The following BIRC6 variants were observed in gnomAD, a reference collection of about 807,000 sequenced individuals.
BIRC6 encodes baculoviral IAP repeat containing 6.
In BIRC6, 98 loss-of-function variants were observed where a neutral mutation model predicts 503.3. That is an observed-to-expected ratio of 0.19 (90% CI 0.17 to 0.23). The LOEUF (loss-of-function observed/expected upper bound fraction) is 0.23, where lower values mean the gene tolerates loss of function less well. Ranked by LOEUF, BIRC6 falls within the 10% of genes least tolerant of loss-of-function variation. The probability of loss-of-function intolerance (pLI) is 1.00; values close to 1 mark genes in which losing one functional copy is unlikely to be tolerated. For missense variants in BIRC6, 5,360 were observed against 5,806.0 expected (o/e 0.92, Z 2.50); for synonymous variants, 2,240 against 2,078.7 (o/e 1.08, Z -2.11).
intron 66 of BIRC6, among the ~76,000 whole-genome samples, chr2:32,587,311 C>T (rs971092758): frequency 2.6e-5 from 4 of 151,832 alleles, no homozygotes; most frequent in Admixed American, 1.3e-4. Flanking sequence ...CATTTGAACC[C>T]GGGAGGTGGA....
chr2:32,407,117 T>C (rs922905376), intron 9 of BIRC6, among the ~76,000 whole-genome samples: 2 of 152,128 alleles, frequency 1.3e-5, no homozygotes, highest in Admixed American at 6.5e-5. Context: ...TTTCCTGATA[T>C]ATAGCATGGT....
intron 9 of BIRC6, among the ~76,000 whole-genome samples, chr2:32,410,498 G>C (rs563615381): frequency 6.6e-6 from 1 of 152,228 alleles, no homozygotes; most frequent in South Asian, 2.1e-4. Flanking sequence ...TTCTGCTGTA[G>C]CTAGAAAATA....
At chr2:32,398,577 T>G (rs2040243301) in intron 6 of BIRC6, among the ~76,000 whole-genome samples, 1 of 152,180 alleles carries the variant, frequency 6.6e-6, no homozygotes, top group South Asian at 2.1e-4. Flanking sequence ...CATCATGTAT[T>G]TTCTATATGT....
At chr2:32,496,053 G>C (rs537408492) in intron 45 of BIRC6, among the ~76,000 whole-genome samples, 1 of 152,134 alleles carries the variant, frequency 6.6e-6, no homozygotes, top group East Asian at 1.9e-4. Context: ...GTGTTAGCCA[G>C]GATGGTCTTG....
chr2:32,602,190 C>T (rs567665108), intron 70 of BIRC6, among the ~76,000 whole-genome samples: 2 of 152,234 alleles, frequency 1.3e-5, no homozygotes, highest in South Asian at 2.1e-4. Flanking sequence ...ATCAACTTAG[C>T]GGCCATCAAC....
rs189601474 is a variant in BIRC6 at position 32,484,317 on chromosome 2, C to T, written c.7697-1326C>T. The stretch of plus-strand genomic sequence containing the variant: ...CCTGTAATCCCAGCACTTGGGAGGC[C>T]GAGGCAGGTGGATCACCTGAGGTCA... On this transcript the variant is annotated intron_variant, in intron 39 of 73. Coordinates refer to ENST00000421745, the MANE Select transcript of BIRC6 (RefSeq NM_016252.4). Among the ~76,000 whole-genome samples the T allele has an allele frequency of 5.5e-4, 84 of 152,100 alleles. No individual in the cohort carries two copies. The East Asian group carries it at 0.014, about 26-fold the overall frequency.
chr2:32,370,586 A>G (rs1457984009), intron 1 of BIRC6, among the ~76,000 whole-genome samples: 1 of 152,166 alleles, frequency 6.6e-6, no homozygotes, highest in Non-Finnish European at 1.5e-5. Context: ...TTGGCTTTTA[A>G]TACTATAGTG....
intron 12 of BIRC6, among the ~76,000 whole-genome samples, chr2:32,432,956 A>G (rs2044304286): frequency 6.6e-6 from 1 of 152,132 alleles, no homozygotes; most frequent in Non-Finnish European, 1.5e-5. Context: ...AGGAATGCTG[A>G]TGGTAGCTTG....
intron 73 of BIRC6, among the ~76,000 whole-genome samples, chr2:32,615,903 G>T (rs901214923): frequency 6.6e-6 from 1 of 152,130 alleles, no homozygotes; most frequent in African/African-American, 2.4e-5. Flanking sequence ...AAAGTGCTGG[G>T]ATTACAGGCG....
At chr2:32,564,435 CA>C (rs1056889428) in intron 65 of BIRC6, 2 of 152,116 alleles carry the variant, frequency 1.3e-5, no homozygotes, top group African/African-American at 2.4e-5. Context: ...CATTAGCATA[CA>C]AATATCTATT....
chr2:32,471,221 A>G, intron 32 of BIRC6, 97 bp downstream of exon 32: 6 of 1,469,634 alleles, frequency 4.1e-6, no homozygotes, highest in East Asian at 2.6e-5. Context: ...AGAACTGGCT[A>G]TTGGCCTGGA....
Position 32,545,860 on chromosome 2 carries a change from G to A in BIRC6, c.12810G>A (p.Glu4270=). ...CAAACTCTAGCGTGAATCAAACTGA[G>A]GTAGGTTCACTTTTAATTATTTCAG... The part of the protein sequence containing the change: ...RVPNSSVNQT[E]PQVSSSHNPT... The change falls in exon 63 of 74, where the codon GAG becomes GAA. Residue 4270 remains glutamate (E), a splice_region_variant and synonymous_variant. Transcript: ENST00000421745. 2 of 1,609,772 alleles carry A rather than the reference G, an allele frequency of 1.2e-6. No homozygotes were observed. The highest frequency in any genetic ancestry group is 2.2e-5 in the South Asian group (2 of 90,956).
intron 69 of BIRC6, among the ~76,000 whole-genome samples, chr2:32,599,509 G>A (rs2061907050): frequency 6.6e-6 from 1 of 150,444 alleles, no homozygotes; most frequent in African/African-American, 2.5e-5. Flanking sequence ...ATGTTGGCAG[G>A]CACGTGTGTT....
chr2:32,586,393 G>A (rs1438073975), intron 66 of BIRC6, among the ~76,000 whole-genome samples: 1 of 124,244 alleles, frequency 8.0e-6, no homozygotes, highest in Middle Eastern at 5.2e-3. Context: ...AGTTTTCACT[G>A]TATTATCTCA....
intron 1 of BIRC6, among the ~76,000 whole-genome samples, chr2:32,372,868 GTT>G: frequency 6.6e-6 from 1 of 152,146 alleles, no homozygotes; most frequent in East Asian, 1.9e-4. Context: ...ACATTTGGGT[GTT>G]TTCAATGTTT....
At chr2:32,500,611 T>TG (rs200338983) in intron 46 of BIRC6, among the ~76,000 whole-genome samples, 46 of 145,750 alleles carry the variant, frequency 3.2e-4, no homozygotes, top group East Asian at 1.2e-3. Context: ...TTTTTGTTTT[T>TG]TTTTTTTTTT....
intron 43 of BIRC6, among the ~76,000 whole-genome samples, chr2:32,490,872 T>C (rs2051620283): frequency 1.3e-5 from 2 of 152,220 alleles, no homozygotes; most frequent in South Asian, 4.1e-4. Flanking sequence ...AATGCTATTA[T>C]CTTTTTTCAT....
At chr2:32,529,883 C>T (rs1043369406) in intron 60 of BIRC6, 59 bp downstream of exon 60, 37 of 1,119,096 alleles carry the variant, frequency 3.3e-5, no homozygotes, top group South Asian at 1.4e-4. Flanking sequence ...GCAGAGATTT[C>T]TATAGCTAAT....
chr2:32,390,176 A>G (rs189543734), intron 4 of BIRC6, among the ~76,000 whole-genome samples: 6 of 120,286 alleles, frequency 5.0e-5, no homozygotes, highest in African/African-American at 1.3e-4. Context: ...TCTTTTTTTT[A>G]TATTTTTGTT....
Sources: gnomAD v4.1 joint callset for allele counts (sites outside exome capture counted in the v4.1 genomes callset) on GRCh38, gnomAD v4.1.1 for gene constraint, MANE v1.5 for transcripts, NCBI Gene and HGNC (gene_info 2026-07-23, HGNC 2026-07-21) for gene names.